LRCH1: variants seen among roughly 807,000 people sequenced by gnomAD.
The protein encoded by LRCH1 is leucine rich repeats and calponin homology domain containing 1.
LRCH1 carries 23 observed loss-of-function variants against 94.9 expected under a neutral mutation model. That is an observed-to-expected ratio of 0.24 (90% CI 0.17 to 0.34). LRCH1 has a LOEUF of 0.34. LRCH1 is among the 10% of genes least tolerant of loss of function. The pLI is 1.00. For synonymous variants in LRCH1, 364 were observed against 354.9 expected, an observed-to-expected ratio of 1.03 and a Z score of -0.29; for missense variants, 790 against 945.9, an observed-to-expected ratio of 0.84 and a Z score of 2.16.
chr13:46,637,386 T>C (rs1294516240), intron 1 of LRCH1, among the ~76,000 whole-genome samples: 1 of 152,206 alleles, frequency 6.6e-6, no homozygotes, highest in Non-Finnish European at 1.5e-5. Flanking sequence ...AGCCCTCCAG[T>C]GGCCAGGAAA....
chr13:46,582,711 G>T (rs1198506739), intron 1 of LRCH1, among the ~76,000 whole-genome samples: 1 of 127,840 alleles, frequency 7.8e-6, no homozygotes, highest in Non-Finnish European at 1.6e-5. Flanking sequence ...ATGTTGCCCA[G>T]GCTGGTCTTG....
At chr13:46,695,200 C>T (rs1381468532) in intron 9 of LRCH1, among the ~76,000 whole-genome samples, 183 bp downstream of exon 9, 1 of 152,220 alleles carries the variant, frequency 6.6e-6, no homozygotes, top group Admixed American at 6.5e-5. Context: ...CTGGTCCCTG[C>T]CCTGTGTGCC....
intron 1 of LRCH1, among the ~76,000 whole-genome samples, chr13:46,626,791 A>C (rs920505713): frequency 1.6e-4 from 24 of 152,204 alleles, no homozygotes; most frequent in Non-Finnish European, 3.2e-4. Context: ...ACATATGGTA[A>C]TCTATCAAAT....
At chr13:46,684,857 G>A (rs1248819738) in intron 4 of LRCH1, among the ~76,000 whole-genome samples, 1 of 152,168 alleles carries the variant, frequency 6.6e-6, no homozygotes, top group Non-Finnish European at 1.5e-5. Context: ...TTCTGAGAGA[G>A]GTACTGGTTA....
intron 1 of LRCH1, among the ~76,000 whole-genome samples, chr13:46,598,507 A>G (rs2050590084): frequency 6.6e-6 from 1 of 152,072 alleles, no homozygotes; most frequent in Non-Finnish European, 1.5e-5. Flanking sequence ...CAGGGTAAAT[A>G]AAATTTAATT....
chr13:46,739,799 T>C (rs1873561996), intron 19 of LRCH1, among the ~76,000 whole-genome samples: 3 of 152,196 alleles, frequency 2.0e-5, no homozygotes, highest in Non-Finnish European at 2.9e-5. Flanking sequence ...TCTCACCCAC[T>C]TTAATTAAGC....
chr13:46,738,582 A>G (rs1424355570), intron 19 of LRCH1, among the ~76,000 whole-genome samples: 1 of 152,218 alleles, frequency 6.6e-6, no homozygotes, highest in East Asian at 1.9e-4. Flanking sequence ...GAATAAGAGA[A>G]ATGGGTCCCT....
At chr13:46,721,351 G>A (rs943711185) in intron 16 of LRCH1, among the ~76,000 whole-genome samples, 1 of 152,242 alleles carries the variant, frequency 6.6e-6, no homozygotes, top group Non-Finnish European at 1.5e-5. Context: ...GCTGGCATAT[G>A]TGTGTATTAT....
In LRCH1 at chr13:46,633,751, C is replaced by T. The variant is rs377555671; in HGVS notation, c.308-16450C>T. Among the ~76,000 whole-genome samples, 7 of 152,180 alleles carry T rather than the reference C, an allele frequency of 4.6e-5. No individual in the cohort carries two copies. The East Asian group carries it at 9.6e-4, about 21-fold the overall frequency. On this transcript the variant is annotated intron_variant, in intron 1 of 19. Transcript: ENST00000389797. ...ACATTTCTCATGGGCTCCAGACCCA[C>T]AATCTGGTGGTCAACATACTCTCTA...
intron 7 of LRCH1, among the ~76,000 whole-genome samples, 199 bp from the exon 8 acceptor site, chr13:46,692,337 C>A (rs1870941617): frequency 6.6e-6 from 1 of 150,946 alleles, no homozygotes; most frequent in African/African-American, 2.4e-5. Flanking sequence ...CCAAGAATAA[C>A]CTCTTCCTAA....
At chr13:46,627,835 C>T (rs2050969406) in intron 1 of LRCH1, among the ~76,000 whole-genome samples, 1 of 152,154 alleles carries the variant, frequency 6.6e-6, no homozygotes, top group Non-Finnish European at 1.5e-5. Flanking sequence ...TGTAATTTCT[C>T]TGAGTCATCC....
Position 46,742,256 on chromosome 13 carries a change from C to T in LRCH1, c.*408C>T. 9.4e-7 allele frequency: 1 copy of T among 1,058,540 alleles called. No individual in the cohort carries two copies. The highest frequency in any genetic ancestry group is 7.7e-5 in the East Asian group (1 of 12,954). The allele number at this position is 1,058,540 out of a possible 1,614,324, so 65.6% of individuals were successfully genotyped here. A position where few individuals can be genotyped will look rare whatever the true frequency, so the allele number is the denominator to read the frequency against. On this transcript the variant is annotated 3_prime_UTR_variant, in exon 20 of 20. Coordinates refer to ENST00000389797, the MANE Select transcript of LRCH1 (RefSeq NM_001164211.2). ...GTCTTTCCTTTGGGTCAGTATTGAA[C>T]TAGAATTCTAATTCGGGACTGGGCA...
chr13:46,581,015 T>G (rs1356203408), intron 1 of LRCH1, among the ~76,000 whole-genome samples: 1 of 152,186 alleles, frequency 6.6e-6, no homozygotes, highest in Non-Finnish European at 1.5e-5. Flanking sequence ...ACTTACTCTT[T>G]GTTAATGGAT....
At chr13:46,701,867 A>G (rs1871494700) in intron 11 of LRCH1, among the ~76,000 whole-genome samples, 2 of 152,200 alleles carry the variant, frequency 1.3e-5, no homozygotes, top group African/African-American at 4.8e-5. Flanking sequence ...GGACTTGGTA[A>G]ACTGATGTGG....
exon 19 of LRCH1, chr13:46,751,032 G>T (rs2794663): frequency 6.5e-6 from 1 of 154,658 alleles, no homozygotes; most frequent in Admixed American, 6.5e-5. Flanking sequence ...ATTTAGTGGG[G>T]GGAGGGGGGC....
At chr13:46,558,398 G>C (rs1030302342) in intron 1 of LRCH1, among the ~76,000 whole-genome samples, 1 of 151,628 alleles carries the variant, frequency 6.6e-6, no homozygotes, top group African/African-American at 2.4e-5. Flanking sequence ...AAGTGCCTAT[G>C]AATATTCTGT....
At chr13:46,709,991 C>G (rs765954068) in intron 13 of LRCH1, among the ~76,000 whole-genome samples, 2 of 152,192 alleles carry the variant, frequency 1.3e-5, no homozygotes, top group Non-Finnish European at 2.9e-5. Flanking sequence ...TCTTCTGTCT[C>G]ATTCAAGCAG....
In LRCH1 at chr13:46,553,693, G is replaced by C; in HGVS notation, c.297G>C (p.Thr99=). The C allele has an allele frequency of 1.9e-6, 3 of 1,609,510 alleles. No individual in the cohort carries two copies. Among genetic ancestry groups the C allele is most frequent in the Non-Finnish European group, 2.5e-6 (3 of 1,179,160 alleles). Residue 99 remains threonine, a synonymous_variant, in exon 1 of 20, where the codon ACG becomes ACC. Transcript: ENST00000389797. ...TAAPGHDLSD[T]VQADLSKNRL... is the part of the protein sequence containing the mutation. ...CCCCCGGGCACGACCTCTCGGACAC[G>C]GTGCAGGCAGGTGAGTGAGGGCCGA...
rs539932847 is a variant in LRCH1, at chr13:46,686,628, G to T, written c.822+587G>T. ...GAGAATGGGACCGAGGGGCAGGAGG[G>T]CAGGAGAGGTCAGAGAAAAACTTTT... On this transcript the variant is annotated intron_variant, in intron 5 of 19. Coordinates refer to ENST00000389797, the MANE Select transcript of LRCH1 (RefSeq NM_001164211.2). 1.6e-4 allele frequency among the ~76,000 whole-genome samples: 25 copies of T among 152,268 alleles called. 1 individual carries two copies. Among genetic ancestry groups the T allele is most frequent in the Middle Eastern group, 3.4e-3 (1 of 294 alleles).
Sources: gnomAD v4.1 joint callset for allele counts (sites outside exome capture counted in the v4.1 genomes callset) on GRCh38, gnomAD v4.1.1 for gene constraint, MANE v1.5 for transcripts, NCBI Gene and HGNC (gene_info 2026-07-23, HGNC 2026-07-21) for gene names.